TSPAN5: variants seen among roughly 807,000 people sequenced by gnomAD.
TSPAN5 encodes the protein tetraspanin 5.
Under a neutral mutation model 37.1 loss-of-function variants are expected in TSPAN5, and 10 were observed. The observed-to-expected ratio is 0.27, with a 90% CI of 0.17 to 0.46. The LOEUF (loss-of-function observed/expected upper bound fraction) is 0.46, where lower values mean the gene tolerates loss of function less well. TSPAN5 is among the 20% of genes least tolerant of loss of function. The pLI is 1.00. For missense variants in TSPAN5, 195 were observed against 326.6 expected (o/e 0.60, Z 3.11); for synonymous variants, 110 against 118.9 (o/e 0.93, Z 0.48).
intron 1 of TSPAN5, among the ~76,000 whole-genome samples, chr4:98,622,058 G>A (rs1180425554): frequency 6.6e-6 from 1 of 152,166 alleles, no homozygotes; most frequent in Non-Finnish European, 1.5e-5. Flanking sequence ...GCTATTATGA[G>A]TAATGCTGCT....
chr4:98,523,691 G>T (rs1037117644), intron 1 of TSPAN5, among the ~76,000 whole-genome samples: 1 of 152,116 alleles, frequency 6.6e-6, no homozygotes, highest in Non-Finnish European at 1.5e-5. Context: ...CACCTGCCTC[G>T]GCCTCCCAAA....
At chr4:98,657,757 C>G in intron 1 of TSPAN5, 1 of 272,514 alleles carries the variant, frequency 3.7e-6, no homozygotes, top group Non-Finnish European at 7.0e-6. Context: ...CGGCCGTGCC[C>G]GATTAGCCTT....
intron 1 of TSPAN5, among the ~76,000 whole-genome samples, chr4:98,509,475 G>A (rs926093358): frequency 1.3e-5 from 2 of 152,166 alleles, no homozygotes; most frequent in East Asian, 1.9e-4. Flanking sequence ...AGACCTTCCC[G>A]AAGCTCTCGA....
At chr4:98,653,720 G>A (rs913585532) in intron 1 of TSPAN5, among the ~76,000 whole-genome samples, 5 of 152,088 alleles carry the variant, frequency 3.3e-5, no homozygotes, top group African/African-American at 7.2e-5. Flanking sequence ...ATATTATGCC[G>A]AATAAAACAT....
chr4:98,555,123 A>G lies in TSPAN5; in HGVS notation c.82-47395T>C, dbSNP rs116701607. On this transcript the variant is annotated intron_variant, in intron 1 of 7. Transcript: ENST00000305798. ...CTTCCAGCAGCCCCAATGGTACTGAACATGTCCAACTTCGTGATCTGGGTG... is the reference window on the plus strand; with the variant it reads ...CTTCCAGCAGCCCCAATGGTACTGAGCATGTCCAACTTCGTGATCTGGGTG... Among the ~76,000 whole-genome samples the G allele has an allele frequency of 7.3e-3, 1,116 of 152,276 alleles. 10 individuals carry two copies. Among genetic ancestry groups the G allele is most frequent in the Middle Eastern group, 0.024 (7 of 294 alleles).
intron 1 of TSPAN5, among the ~76,000 whole-genome samples, chr4:98,610,901 C>T (rs1431072972): frequency 2.0e-5 from 3 of 152,082 alleles, no homozygotes; most frequent in Non-Finnish European, 2.9e-5. Context: ...TCCCCCTGAC[C>T]CCGCTCCCCA....
chr4:98,529,650 A>T (rs1314733544), intron 1 of TSPAN5, among the ~76,000 whole-genome samples: 30 of 152,242 alleles, frequency 2.0e-4, no homozygotes, highest in Non-Finnish European at 1.5e-5. Flanking sequence ...AAACCCAGGC[A>T]TCTGACTCCA....
At chr4:98,492,985 T>G (rs1401475302) in intron 2 of TSPAN5, among the ~76,000 whole-genome samples, 1 of 152,142 alleles carries the variant, frequency 6.6e-6, no homozygotes, top group Non-Finnish European at 1.5e-5. Flanking sequence ...GAGACCAGCC[T>G]GGGCAATAAA....
intron 1 of TSPAN5, among the ~76,000 whole-genome samples, chr4:98,620,444 T>C (rs963816965): frequency 2.0e-5 from 3 of 152,180 alleles, no homozygotes; most frequent in African/African-American, 7.2e-5. Context: ...GGAGCAGAGA[T>C]AAGCCTTCCT....
intron 1 of TSPAN5, among the ~76,000 whole-genome samples, chr4:98,580,083 A>C (rs1438671035): frequency 6.6e-6 from 1 of 152,194 alleles, no homozygotes; most frequent in Non-Finnish European, 1.5e-5. Context: ...AAAACCTTCC[A>C]TACTCATTAG....
intron 1 of TSPAN5, among the ~76,000 whole-genome samples, chr4:98,608,764 T>C (rs554172395): frequency 6.6e-6 from 1 of 152,330 alleles, no homozygotes; most frequent in Admixed American, 6.5e-5. Context: ...CACTGTGTCT[T>C]CTTCATCAGT....
At chr4:98,563,382 C>T (rs1754920850) in intron 1 of TSPAN5, among the ~76,000 whole-genome samples, 1 of 152,094 alleles carries the variant, frequency 6.6e-6, no homozygotes, top group South Asian at 2.1e-4. Flanking sequence ...TTTATTAAGC[C>T]CTAAGCTTTC....
intron 1 of TSPAN5, among the ~76,000 whole-genome samples, chr4:98,577,430 C>T (rs982327635): frequency 6.6e-6 from 1 of 152,138 alleles, no homozygotes; most frequent in African/African-American, 2.4e-5. Context: ...TCTCCCAGCC[C>T]AGAGACATCT....
At chr4:98,491,686 A>T (rs1241463621) in intron 2 of TSPAN5, among the ~76,000 whole-genome samples, 1 of 10,136 alleles carries the variant, frequency 9.9e-5, no homozygotes, top group Non-Finnish European at 2.0e-4. Context: ...GACTCTGTCT[A>T]AAAAAAAAAA....
intron 1 of TSPAN5, among the ~76,000 whole-genome samples, chr4:98,548,127 TAGAA>T (rs1754514637): frequency 2.0e-5 from 3 of 152,070 alleles, no homozygotes; most frequent in Non-Finnish European, 2.9e-5. Context: ...CACGGTCTCT[TAGAA>T]AGCATATGAA....
intron 1 of TSPAN5, among the ~76,000 whole-genome samples, chr4:98,511,437 C>T (rs771292040): frequency 1.3e-5 from 2 of 152,174 alleles, no homozygotes; most frequent in Non-Finnish European, 2.9e-5. Context: ...TGTCACTGTA[C>T]TGAATACTGT....
chr4:98,580,531 G>A (rs1030843552), intron 1 of TSPAN5, among the ~76,000 whole-genome samples: 2 of 152,148 alleles, frequency 1.3e-5, no homozygotes, highest in Admixed American at 1.3e-4. Flanking sequence ...AAGCCGACCT[G>A]GAAAAGGTTT....
chr4:98,474,250 C>A (rs893345269), intron 7 of TSPAN5, among the ~76,000 whole-genome samples: 14 of 152,148 alleles, frequency 9.2e-5, no homozygotes, highest in African/African-American at 2.7e-4. Context: ...CATTATTTTG[C>A]ATATCTAGTT....
intron 1 of TSPAN5, among the ~76,000 whole-genome samples, chr4:98,533,565 T>TTTTG (rs1754153101): frequency 7.6e-6 from 1 of 132,378 alleles, no homozygotes; most frequent in Admixed American, 7.8e-5. Context: ...TTTTTTTTTT[T>TTTTG]CTTGAGACAG....
Sources: allele counts gnomAD v4.1 joint callset (sites outside exome capture counted in the v4.1 genomes callset), GRCh38; gene constraint gnomAD v4.1.1; transcripts MANE v1.5; gene names NCBI Gene and HGNC (gene_info 2026-07-23, HGNC 2026-07-21).